The following STPG2 variants were observed in gnomAD, a reference collection of about 807,000 sequenced individuals.
The protein encoded by STPG2 is sperm tail PG-rich repeat containing 2, also known as sperm-tail PG-rich repeat-containing protein 2.
Under a neutral mutation model 54.2 loss-of-function variants are expected in STPG2, and 56 were observed. The ratio of observed to expected loss-of-function variants is 1.03; its 90% CI spans 0.83 to 1.29. The LOEUF (loss-of-function observed/expected upper bound fraction) is 1.29, where lower values mean the gene tolerates loss of function less well. Among genes scored for constraint, STPG2 ranks in the 50% most tolerant of loss-of-function variants. The pLI, the probability that STPG2 is intolerant of heterozygous loss-of-function variation, is 0.00. For missense variants in STPG2, 596 were observed against 544.9 expected, an observed-to-expected ratio of 1.09 and a Z score of -0.93; for synonymous variants, 200 against 181.8, an observed-to-expected ratio of 1.10 and a Z score of -0.81.
intron 8 of STPG2, among the ~76,000 whole-genome samples, chr4:97,926,158 G>C (rs532210301): frequency 6.6e-6 from 1 of 152,204 alleles, no homozygotes; most frequent in South Asian, 2.1e-4. Context: ...GAGACAAGGA[G>C]GGTGTTACTC....
chr4:97,976,560 T>C (rs1335159831), intron 6 of STPG2, among the ~76,000 whole-genome samples: 1 of 152,128 alleles, frequency 6.6e-6, no homozygotes. Context: ...TCAGATCTGC[T>C]ATGGGAGAGT....
chr4:97,536,924 G>A, intron 4 of STPG2, among the ~76,000 whole-genome samples: 1 of 152,192 alleles, frequency 6.6e-6, no homozygotes, highest in South Asian at 2.1e-4. Flanking sequence ...TAGCTCAAGT[G>A]TTTCATACAT....
chr4:97,701,374 C>T (rs886112644), intron 10 of STPG2, among the ~76,000 whole-genome samples: 1 of 152,138 alleles, frequency 6.6e-6, no homozygotes. Context: ...TGGAGGACCA[C>T]GATGACATAT....
chr4:97,452,118 C>A (rs759372102), intron 4 of STPG2, among the ~76,000 whole-genome samples: 38 of 26,098 alleles, frequency 1.5e-3, no homozygotes, highest in Middle Eastern at 7.8e-3. Context: ...AGCCCCGCCC[C>A]CACCCCCCCC....
At chr4:98,137,307 AAAGC>A (rs1389824259) in intron 1 of STPG2, among the ~76,000 whole-genome samples, 1 of 151,806 alleles carries the variant, frequency 6.6e-6, no homozygotes, top group East Asian at 1.9e-4. Flanking sequence ...TTCATAAAGA[AAAGC>A]AAGGAAGTTA....
intron 7 of STPG2, among the ~76,000 whole-genome samples, chr4:97,944,853 A>C (rs751249740): frequency 3.3e-5 from 5 of 152,106 alleles, no homozygotes; most frequent in Non-Finnish European, 7.4e-5. Context: ...TGAAGATGGC[A>C]CTTCTCCACT....
intron 10 of STPG2, among the ~76,000 whole-genome samples, chr4:97,678,475 A>G (rs1009787319): frequency 6.6e-6 from 1 of 152,164 alleles, no homozygotes; most frequent in African/African-American, 2.4e-5. Flanking sequence ...CTGATTATAA[A>G]AAGAAAAGTA....
At chr4:98,009,432 T>A (rs1735672870) in intron 5 of STPG2, among the ~76,000 whole-genome samples, 3 of 152,108 alleles carry the variant, frequency 2.0e-5, no homozygotes. Context: ...CATATCATTA[T>A]GATTCAAAAA....
chr4:97,525,101 T>A (rs537052655), intron 4 of STPG2, among the ~76,000 whole-genome samples: 1 of 151,994 alleles, frequency 6.6e-6, no homozygotes, highest in African/African-American at 2.4e-5. Context: ...TATAAAAGAA[T>A]GAACATTTGG....
chr4:97,599,692 C>T (rs1196516342), intron 10 of STPG2, among the ~76,000 whole-genome samples: 6 of 151,606 alleles, frequency 4.0e-5, no homozygotes, highest in South Asian at 2.1e-4. Flanking sequence ...GGCGTGGTGG[C>T]GGGCACCCAT....
chr4:98,033,546 C>T (rs1236547343), intron 5 of STPG2, among the ~76,000 whole-genome samples: 2 of 152,148 alleles, frequency 1.3e-5, no homozygotes, highest in Non-Finnish European at 2.9e-5. Context: ...TGGTACCATT[C>T]CTTCTAAAAC....
rs566409982 is a variant in STPG2, at chr4:97,966,495, C to T, written c.933+5785G>A. Among the ~76,000 whole-genome samples, 90 of 152,244 alleles carry T rather than the reference C, an allele frequency of 5.9e-4. 1 individual carries two copies. Among genetic ancestry groups the T allele is most frequent in the Non-Finnish European group, 1.2e-3 (80 of 68,020 alleles). On this transcript the variant is annotated intron_variant, in intron 7 of 10. Transcript: ENST00000295268. ...ACTTCCTGAACTTAGCAAGGCAGGC[C>T]AACATTCAAATTCAGGAAATACAGA...
intron 10 of STPG2, among the ~76,000 whole-genome samples, chr4:97,653,050 A>G (rs1489400799): frequency 6.6e-6 from 1 of 151,974 alleles, no homozygotes; most frequent in Non-Finnish European, 1.5e-5. Flanking sequence ...TAATAAGGTA[A>G]CCTAAATTAG....
At chr4:97,887,792 C>T (rs1370865295) in intron 8 of STPG2, among the ~76,000 whole-genome samples, 1 of 152,258 alleles carries the variant, frequency 6.6e-6, no homozygotes, top group Non-Finnish European at 1.5e-5. Flanking sequence ...ATTTCAGAGA[C>T]ATTTGGGGCA....
At chr4:97,685,989 A>G (rs1723177638) in intron 10 of STPG2, among the ~76,000 whole-genome samples, 1 of 152,224 alleles carries the variant, frequency 6.6e-6, no homozygotes, top group Non-Finnish European at 1.5e-5. Flanking sequence ...TCATAATGTC[A>G]TATGATTTGT....
At chr4:97,714,335 T>C (rs181015741) in intron 9 of STPG2, among the ~76,000 whole-genome samples, 2 of 152,274 alleles carry the variant, frequency 1.3e-5, no homozygotes, top group East Asian at 3.9e-4. Flanking sequence ...ACATCTAGGC[T>C]CTAGCCCAAT....
chr4:97,824,166 G>A (rs555398055), intron 9 of STPG2, among the ~76,000 whole-genome samples: 17 of 152,212 alleles, frequency 1.1e-4, no homozygotes, highest in Middle Eastern at 3.4e-3. Context: ...AAAAATCCCT[G>A]TGTGACTGAC....
intron 5 of STPG2, among the ~76,000 whole-genome samples, chr4:98,035,071 T>A (rs963205019): frequency 6.6e-6 from 1 of 152,096 alleles, no homozygotes; most frequent in African/African-American, 2.4e-5. Flanking sequence ...CCAAAAGCAA[T>A]GGCAACAAAA....
At chr4:97,593,207 G>A (rs1409270757) in intron 10 of STPG2, among the ~76,000 whole-genome samples, 1 of 152,004 alleles carries the variant, frequency 6.6e-6, no homozygotes, top group African/African-American at 2.4e-5. Flanking sequence ...GGGAATTCCA[G>A]CAGAGCAGCC....
Sources: allele counts gnomAD v4.1 joint callset (sites outside exome capture counted in the v4.1 genomes callset), GRCh38; gene constraint gnomAD v4.1.1; transcripts MANE v1.5; gene names NCBI Gene and HGNC (gene_info 2026-07-23, HGNC 2026-07-21).